The following BBS4 variants were observed in gnomAD, a reference collection of about 807,000 sequenced individuals.
BBS4 encodes BBSome complex member BBS4.
A neutral mutation model predicts 71.4 loss-of-function variants in BBS4; 58 were observed. The observed-to-expected ratio is 0.81, with a 90% CI of 0.66 to 1.01. The LOEUF is 1.01. Among genes scored for constraint, BBS4 ranks in the 50% least tolerant of loss-of-function variants. The pLI is 0.00. For synonymous variants in BBS4, 228 were observed against 216.8 expected (o/e 1.05, Z -0.46); for missense variants, 660 against 607.9 (o/e 1.09, Z -0.90).
chr15:72,736,872 C>G lies in BBS4; in HGVS notation c.1359C>G (p.Ser453Arg). 1 of 1,614,204 alleles carries G rather than the reference C, an allele frequency of 6.2e-7. No homozygotes were observed. The highest frequency in any genetic ancestry group is 8.5e-7 in the Non-Finnish European group (1 of 1,180,034). The change falls in exon 15 of 16, where the codon AGC becomes AGG. Residue 453 changes from serine to arginine, a missense_variant. By Grantham distance (110) the Ser-to-Arg change is moderately radical. Transcript: ENST00000268057. ...CAAAGCACCAGACCACTTCAACCAG[C>G]AAACCTGCCAGTTTCCAGCAGCCTC... ...PKSKHQTTST[S>R]KPASFQQPLG...
intron 1 of BBS4, among the ~76,000 whole-genome samples, chr15:72,692,657 C>T (rs1280709689): frequency 1.3e-5 from 2 of 150,416 alleles, no homozygotes; most frequent in Non-Finnish European, 3.0e-5. Flanking sequence ...GTGCAGTGGT[C>T]CAATCATGGC....
chr15:72,720,400 G>A (rs1178479991), intron 6 of BBS4, among the ~76,000 whole-genome samples: 1 of 151,038 alleles, frequency 6.6e-6, no homozygotes, highest in East Asian at 2.0e-4. Flanking sequence ...GATCACGTTA[G>A]CCCAGGAGGT....
chr15:72,727,673 A>T (rs535874034), intron 8 of BBS4, among the ~76,000 whole-genome samples: 1 of 152,304 alleles, frequency 6.6e-6, no homozygotes, highest in Admixed American at 6.5e-5. Context: ...CATGCAAAAC[A>T]TTCTATAGGT....
In BBS4 at chr15:72,735,966, G is replaced by C. The variant is rs914591602; in HGVS notation, c.1248G>C (p.Glu416Asp). ...ATAGCTCTCTGGAATTTGACTCTGAGGTATGTCTTTTATTAGCTCCCAAGA... is the reference window on the plus strand; with the variant it reads ...ATAGCTCTCTGGAATTTGACTCTGACGTATGTCTTTTATTAGCTCCCAAGA... ...KDNSSLEFDS[E>D]MVEMAQKLGA... is the part of the protein sequence containing the mutation. The change falls in exon 14 of 16, where the codon GAG becomes GAC. Residue 416 changes from glutamate (E) to aspartate (D), a missense_variant and splice_region_variant. Glu to Asp is a conservative substitution (Grantham distance 45). Transcript: ENST00000268057. 3.7e-6 allele frequency: 6 copies of C among 1,613,884 alleles called. No individual in the cohort carries two copies. Among genetic ancestry groups the C allele is most frequent in the Non-Finnish European group, 5.1e-6 (6 of 1,180,014 alleles).
At chr15:72,704,496 G>C in intron 2 of BBS4, 1 of 1,244,108 alleles carries the variant, frequency 8.0e-7, no homozygotes, top group Non-Finnish European at 1.1e-6. Flanking sequence ...AATTCTAATT[G>C]TAAATTCAGG....
At position 72,690,225 on chromosome 15, in the gene BBS4, G is replaced by A. The variant is rs564020794; in HGVS notation, c.24+3974G>A. ...GCAGAAAACAGAAATTAGTACACTA[G>A]TTGATCTGGCTCAGATATAGTGCCT... On this transcript the variant is annotated intron_variant, in intron 1 of 15. Coordinates refer to ENST00000268057, the MANE Select transcript of BBS4 (RefSeq NM_033028.5). Among the ~76,000 whole-genome samples the A allele has an allele frequency of 1.1e-4, 17 of 152,306 alleles. No individual in the cohort carries two copies. The South Asian group carries it at 3.5e-3, about 32-fold the overall frequency.
intron 9 of BBS4, 128 bp downstream of exon 9, chr15:72,728,122 C>A: frequency 1.4e-6 from 1 of 700,522 alleles, no homozygotes; most frequent in Admixed American, 2.2e-5. Context: ...GAACTACACT[C>A]TCTCTATTCG....
intron 2 of BBS4, among the ~76,000 whole-genome samples, chr15:72,706,286 G>A (rs545408355): frequency 6.6e-6 from 1 of 152,104 alleles, no homozygotes; most frequent in East Asian, 1.9e-4. Context: ...ATAGGTGCCC[G>A]CCACCACTCC....
chr15:72,713,566 A>G (rs1454120122), intron 4 of BBS4, among the ~76,000 whole-genome samples: 3 of 152,212 alleles, frequency 2.0e-5, no homozygotes, highest in African/African-American at 4.8e-5. Flanking sequence ...ACTCTAAAAT[A>G]AAGATTAAAA....
At chr15:72,686,403 C>G in intron 1 of BBS4, 152 bp downstream of exon 1, 6 of 1,535,546 alleles carry the variant, frequency 3.9e-6, no homozygotes, top group Non-Finnish European at 4.4e-6. Flanking sequence ...TTTTTACTGT[C>G]CCGGGAACTG....
intron 2 of BBS4, among the ~76,000 whole-genome samples, chr15:72,709,196 A>G (rs948207049): frequency 6.6e-6 from 1 of 152,212 alleles, no homozygotes; most frequent in African/African-American, 2.4e-5. Context: ...GGTGGGCATC[A>G]CGGTCCTACC....
chr15:72,737,451 G>C, intron 15 of BBS4, 27 bp from the exon 16 acceptor site: 1 of 1,553,956 alleles, frequency 6.4e-7, no homozygotes, highest in Non-Finnish European at 8.8e-7. Flanking sequence ...TGGAACATGA[G>C]GATTCAAGTT....
intron 1 of BBS4, 115 bp from the exon 2 acceptor site, chr15:72,695,062 A>T: frequency 1.4e-6 from 1 of 730,918 alleles, no homozygotes; most frequent in Non-Finnish European, 2.4e-6. Flanking sequence ...ATATGGATTT[A>T]ATGGATTAAT....
intron 12 of BBS4, among the ~76,000 whole-genome samples, chr15:72,733,596 G>A (rs1201493893): frequency 6.6e-6 from 1 of 152,136 alleles, no homozygotes; most frequent in Non-Finnish European, 1.5e-5. Flanking sequence ...TTGCTGCAAA[G>A]GACACGATCT....
intron 8 of BBS4, among the ~76,000 whole-genome samples, chr15:72,726,140 C>T (rs1224215093): frequency 6.7e-6 from 1 of 150,310 alleles, no homozygotes; most frequent in African/African-American, 2.5e-5. Flanking sequence ...TTTCAACAGT[C>T]TCGCTCTGTC....
chr15:72,686,915 A>C, intron 1 of BBS4: 1 of 248,866 alleles, frequency 4.0e-6, no homozygotes, highest in Non-Finnish European at 8.1e-6. Context: ...TCCATTTGTT[A>C]GAATGATTTT....
At chr15:72,728,307 G>T (rs1187429882) in intron 9 of BBS4, among the ~76,000 whole-genome samples, 1 of 152,064 alleles carries the variant, frequency 6.6e-6, no homozygotes, top group Non-Finnish European at 1.5e-5. Flanking sequence ...AGACCAGCCT[G>T]GGTAACATAG....
intron 2 of BBS4, among the ~76,000 whole-genome samples, chr15:72,708,861 AC>A (rs1412778182): frequency 6.6e-6 from 1 of 151,372 alleles, no homozygotes; most frequent in Non-Finnish European, 1.5e-5. Flanking sequence ...TGGGGAAAAA[AC>A]CCCACCCTGG....
chr15:72,721,764 C>T (rs2065581551), intron 6 of BBS4, among the ~76,000 whole-genome samples: 1 of 152,196 alleles, frequency 6.6e-6, no homozygotes, highest in South Asian at 2.1e-4. Flanking sequence ...GACACATCTC[C>T]ACTACTAATA....
Sources: gnomAD v4.1 joint callset for allele counts (sites outside exome capture counted in the v4.1 genomes callset) on GRCh38, gnomAD v4.1.1 for gene constraint, MANE v1.5 for transcripts, NCBI Gene and HGNC (gene_info 2026-07-23, HGNC 2026-07-21) for gene names.